Variants in PVT1 observed in about 807,000 individuals in gnomAD.
PVT1 encodes the protein Pvt1 oncogene.
intron 5 of PVT1, among the ~76,000 whole-genome samples, chr8:128,085,085 T>G (rs1345594312): frequency 6.6e-6 from 1 of 152,224 alleles, no homozygotes; most frequent in Non-Finnish European, 1.5e-5. Context: ...GGCTTGTGAC[T>G]GCTTTATGCA....
At chr8:128,038,524 T>C (rs183336012) in intron 4 of PVT1, among the ~76,000 whole-genome samples, 2 of 152,296 alleles carry the variant, frequency 1.3e-5, no homozygotes, top group East Asian at 3.9e-4. Context: ...GTGAATGGGC[T>C]TGAGGGTGCT....
chr8:127,799,134 G>C (rs947719380), intron 2 of PVT1, among the ~76,000 whole-genome samples: 5 of 151,772 alleles, frequency 3.3e-5, no homozygotes, highest in African/African-American at 7.3e-5. Flanking sequence ...GAGTTAGGTG[G>C]GGGGGGAGGT....
At chr8:127,991,969 A>G (rs1817046955) in intron 4 of PVT1, among the ~76,000 whole-genome samples, 1 of 152,092 alleles carries the variant, frequency 6.6e-6, no homozygotes, top group South Asian at 2.1e-4. Flanking sequence ...GGCACCAGGA[A>G]CACGGAGTCA....
rs1377205059 is a variant in PVT1, at chr8:128,078,365, G to A, written n.1114+8004G>A. 3.9e-5 allele frequency among the ~76,000 whole-genome samples: 6 copies of A among 152,192 alleles called. No homozygotes were observed. The East Asian group carries it at 5.8e-4, about 15-fold the overall frequency. On this transcript the variant is annotated intron_variant and non_coding_transcript_variant, in intron 5 of 10. Coordinates refer to ENST00000651587, the Ensembl canonical transcript of PVT1. ...TCTTTGCATGTTTGAAGCACCTGGTGACTCTACTGGGTTCTCAATAAGTAT... is the reference window on the plus strand; with the variant it reads ...TCTTTGCATGTTTGAAGCACCTGGTAACTCTACTGGGTTCTCAATAAGTAT...
intron 2 of PVT1, among the ~76,000 whole-genome samples, chr8:127,865,416 T>G (rs1801625762): frequency 6.6e-6 from 1 of 152,014 alleles, no homozygotes; most frequent in South Asian, 2.1e-4. Flanking sequence ...AAGTCACAGG[T>G]GGAATTAAAG....
intron 5 of PVT1, among the ~76,000 whole-genome samples, chr8:128,081,399 A>G (rs1233579383): frequency 1.3e-5 from 2 of 152,234 alleles, no homozygotes; most frequent in East Asian, 1.9e-4. Flanking sequence ...TCATTTGGGT[A>G]GACACCAAGG....
At chr8:128,092,447 C>G (rs1160063557) in intron 5 of PVT1, among the ~76,000 whole-genome samples, 2 of 152,176 alleles carry the variant, frequency 1.3e-5, no homozygotes, top group African/African-American at 4.8e-5. Context: ...TTGCCATTAC[C>G]TTTAATGGCA....
intron 4 of PVT1, among the ~76,000 whole-genome samples, chr8:128,004,892 G>A (rs1244033242): frequency 6.6e-6 from 1 of 152,192 alleles, no homozygotes; most frequent in Non-Finnish European, 1.5e-5. Context: ...TGTAATCCCA[G>A]CACTTTGGGA....
intron 4 of PVT1, among the ~76,000 whole-genome samples, chr8:128,006,467 G>T (rs1461333526): frequency 1.3e-5 from 2 of 152,126 alleles, no homozygotes; most frequent in Admixed American, 6.5e-5. Context: ...ATGTCTGCCA[G>T]ATTTCTCTAC....
intron 2 of PVT1, among the ~76,000 whole-genome samples, chr8:127,850,357 C>T (rs963635016): frequency 7.9e-5 from 12 of 152,172 alleles, no homozygotes; most frequent in East Asian, 1.9e-4. Context: ...TTGTTTGATA[C>T]ACATTGGAAA....
intron 5 of PVT1, among the ~76,000 whole-genome samples, chr8:128,093,286 A>C (rs1358724799): frequency 6.6e-6 from 1 of 152,196 alleles, no homozygotes; most frequent in East Asian, 1.9e-4. Context: ...GGCCAGGAGC[A>C]GTGGCTCATG....
chr8:128,014,262 G>C (rs954227860), intron 4 of PVT1, among the ~76,000 whole-genome samples: 3 of 151,654 alleles, frequency 2.0e-5, no homozygotes, highest in African/African-American at 7.3e-5. Flanking sequence ...GCTTTTCTCT[G>C]TGGATTTATC....
At chr8:128,053,470 A>G (rs1304314697) in intron 4 of PVT1, among the ~76,000 whole-genome samples, 1 of 150,214 alleles carries the variant, frequency 6.7e-6, no homozygotes, top group East Asian at 1.9e-4. Context: ...ATATATAGGT[A>G]TTAATATATA....
At chr8:128,053,811 C>A (rs558228542) in intron 4 of PVT1, among the ~76,000 whole-genome samples, 7 of 152,218 alleles carry the variant, frequency 4.6e-5, no homozygotes. Flanking sequence ...AGTGGACTGG[C>A]TGAGCAACCA....
At chr8:127,943,059 G>T (rs1225824171) in intron 3 of PVT1, among the ~76,000 whole-genome samples, 1 of 152,310 alleles carries the variant, frequency 6.6e-6, no homozygotes, top group Non-Finnish European at 1.5e-5. Flanking sequence ...CCTGAAAGAA[G>T]AGAATGTGCT....
chr8:128,071,528 T>TAAAAA (rs879437083), intron 5 of PVT1, among the ~76,000 whole-genome samples: 2 of 148,504 alleles, frequency 1.3e-5, no homozygotes, highest in African/African-American at 5.0e-5. Context: ...TAAAAATTTT[T>TAAAAA]AAAAAAAAAA....
intron 4 of PVT1, among the ~76,000 whole-genome samples, chr8:128,025,950 CCTTT>C (rs10536544): frequency 0.017 from 2,506 of 145,992 alleles, 66 homozygotes; most frequent in African/African-American, 0.066. Context: ...AATCCAGCCT[CCTTT>C]TTTTTTTTTT....
chr8:128,076,938 A>G (rs993383231), intron 5 of PVT1, among the ~76,000 whole-genome samples: 15 of 152,174 alleles, frequency 9.9e-5, no homozygotes, highest in Non-Finnish European at 1.9e-4. Flanking sequence ...TCACAGGTGA[A>G]GTTTTCTCAC....
rs1586413536 is a variant in PVT1 at position 127,867,155 on chromosome 8, C to G, written n.373-23434C>G. Among the ~76,000 whole-genome samples, 7 of 152,332 alleles carry G rather than the reference C, an allele frequency of 4.6e-5. No homozygotes were observed. In the South Asian group the frequency reaches 1.5e-3, roughly 32 times the overall value. ...GCGGCCTTCCTCGGGCTTGCTTGCC[C>G]AGAATGCTAGGAATGGCCAGGGATA... On this transcript the variant is annotated intron_variant and non_coding_transcript_variant, in intron 2 of 10. Transcript: ENST00000651587.
Sources: allele counts gnomAD v4.1 joint callset (sites outside exome capture counted in the v4.1 genomes callset), GRCh38; gene constraint gnomAD v4.1.1; transcripts MANE v1.5; gene names NCBI Gene and HGNC (gene_info 2026-07-23, HGNC 2026-07-21).